RALYL: variants seen among roughly 807,000 people sequenced by gnomAD.
RALYL encodes RNA-binding Raly-like protein.
A neutral mutation model predicts 35.1 loss-of-function variants in RALYL; 29 were observed. That is an observed-to-expected ratio of 0.83 (90% CI 0.61 to 1.13). RALYL has a LOEUF of 1.13. RALYL is among the 50% of genes most tolerant of loss of function. The pLI is 0.00. For synonymous variants in RALYL, 120 were observed against 127.6 expected (o/e 0.94, Z 0.40); for missense variants, 359 against 360.4 (o/e 1.00, Z 0.03).
chr8:84,860,890 G>A (rs533098479), intron 5 of RALYL, among the ~76,000 whole-genome samples: 24 of 152,110 alleles, frequency 1.6e-4, no homozygotes, highest in Admixed American at 3.9e-4. Flanking sequence ...TGCTTTTTGC[G>A]CTTCCCTCAC....
At chr8:84,399,306 C>G (rs2042660148) in intron 1 of RALYL, among the ~76,000 whole-genome samples, 1 of 152,078 alleles carries the variant, frequency 6.6e-6, no homozygotes, top group Non-Finnish European at 1.5e-5. Context: ...TGTTAGTGCC[C>G]CCATTTTATA....
intron 1 of RALYL, among the ~76,000 whole-genome samples, chr8:84,335,247 G>A (rs956479669): frequency 6.6e-6 from 1 of 152,076 alleles, no homozygotes; most frequent in Admixed American, 6.6e-5. Flanking sequence ...GGCCTCTTAC[G>A]ACATATTCTC....
intron 6 of RALYL, among the ~76,000 whole-genome samples, chr8:84,868,957 G>A (rs1419182842): frequency 1.3e-5 from 2 of 151,690 alleles, no homozygotes. Flanking sequence ...ATGTTACAAG[G>A]GTATCACCTG....
intron 2 of RALYL, among the ~76,000 whole-genome samples, chr8:84,720,066 A>G (rs1047406915): frequency 5.3e-5 from 8 of 152,104 alleles, no homozygotes; most frequent in African/African-American, 1.9e-4. Flanking sequence ...CTCCAGGTTC[A>G]TGCATGTTGT....
In RALYL at chr8:84,252,328, TTA is replaced by T. The variant is rs1830350893; in HGVS notation, c.-24+67908_-24+67909del. 1.3e-4 allele frequency among the ~76,000 whole-genome samples: 20 copies of T among 152,232 alleles called. No homozygotes were observed. In the South Asian group the frequency reaches 4.1e-3, roughly 32 times the overall value. On this transcript the variant is annotated intron_variant, in intron 1 of 8. Transcript: ENST00000521268. ...TATTTTTCAGAGTTACATGAAGATATTATATCAGAAATCAAATTATTTTGCTT... is the reference window on the plus strand; with the variant it reads ...TATTTTTCAGAGTTACATGAAGATATTATCAGAAATCAAATTATTTTGCTT...
chr8:84,299,760 G>C (rs1343470961), intron 1 of RALYL, among the ~76,000 whole-genome samples: 1 of 151,986 alleles, frequency 6.6e-6, no homozygotes, highest in Non-Finnish European at 1.5e-5. Flanking sequence ...GCATAGAAGA[G>C]TTTGAAATGG....
chr8:84,472,576 A>C (rs2052912763), intron 1 of RALYL, among the ~76,000 whole-genome samples: 1 of 152,170 alleles, frequency 6.6e-6, no homozygotes, highest in Admixed American at 6.5e-5. Context: ...GCTGGGGGAT[A>C]TGAGATTGGG....
intron 8 of RALYL, among the ~76,000 whole-genome samples, chr8:84,915,427 G>C (rs1052312859): frequency 6.6e-6 from 1 of 151,956 alleles, no homozygotes; most frequent in Non-Finnish European, 1.5e-5. Context: ...CTCACATTCT[G>C]CCTGGCTATC....
At chr8:84,409,212 A>C (rs1237553422) in intron 1 of RALYL, among the ~76,000 whole-genome samples, 2 of 152,016 alleles carry the variant, frequency 1.3e-5, no homozygotes. Context: ...AGGTGATTTT[A>C]TTTCATTGAG....
chr8:84,689,279 C>T (rs1384066818), intron 2 of RALYL, among the ~76,000 whole-genome samples: 1 of 152,020 alleles, frequency 6.6e-6, no homozygotes, highest in East Asian at 1.9e-4. Context: ...CTTCCTGTGT[C>T]CATGTGTTCT....
chr8:84,695,769 G>T (rs1233677174), intron 2 of RALYL, among the ~76,000 whole-genome samples: 1 of 151,774 alleles, frequency 6.6e-6, no homozygotes. Context: ...AACAAAAAAT[G>T]TATCAACATT....
intron 3 of RALYL, among the ~76,000 whole-genome samples, chr8:84,787,471 G>T (rs2133808561): frequency 6.6e-6 from 1 of 152,294 alleles, no homozygotes; most frequent in African/African-American, 2.4e-5. Context: ...GAACAGTGCT[G>T]CAGTAAACAT....
chr8:84,616,909 T>C (rs372557249), intron 2 of RALYL, among the ~76,000 whole-genome samples: 2 of 150,492 alleles, frequency 1.3e-5, no homozygotes, highest in Admixed American at 1.3e-4. Flanking sequence ...TGTAGATATG[T>C]GGCATTATTT....
chr8:84,205,884 GGT>G (rs1364070226), intron 1 of RALYL, among the ~76,000 whole-genome samples: 1 of 152,152 alleles, frequency 6.6e-6, no homozygotes, highest in Non-Finnish European at 1.5e-5. Context: ...CCAAGATCAA[GGT>G]GTTGCCAGGT....
intron 1 of RALYL, among the ~76,000 whole-genome samples, chr8:84,186,227 T>A (rs1034027681): frequency 1.6e-4 from 25 of 152,182 alleles, no homozygotes; most frequent in Non-Finnish European, 2.8e-4. Flanking sequence ...GAAGCCAATA[T>A]GATGGCACTA....
intron 1 of RALYL, among the ~76,000 whole-genome samples, chr8:84,271,098 C>A (rs1834224810): frequency 7.0e-6 from 1 of 143,100 alleles, no homozygotes; most frequent in Admixed American, 6.9e-5. Context: ...AAGATACCAC[C>A]AAGAAAATAA....
chr8:84,292,053 G>A (rs1453669734), intron 1 of RALYL, among the ~76,000 whole-genome samples: 1 of 151,666 alleles, frequency 6.6e-6, no homozygotes, highest in Non-Finnish European at 1.5e-5. Context: ...GGTTGTTTTG[G>A]TATAAAAAGT....
At chr8:84,756,885 C>T (rs889121174) in intron 2 of RALYL, among the ~76,000 whole-genome samples, 2 of 151,766 alleles carry the variant, frequency 1.3e-5, no homozygotes, top group African/African-American at 2.4e-5. Flanking sequence ...AATTACTCTT[C>T]TCATTTTAAA....
chr8:84,422,708 A>G (rs2045809074), intron 1 of RALYL, among the ~76,000 whole-genome samples: 1 of 141,024 alleles, frequency 7.1e-6, no homozygotes, highest in Non-Finnish European at 1.5e-5. Flanking sequence ...TTCCCTCTAC[A>G]CACTGCTTTG....
Sources: allele counts gnomAD v4.1 joint callset (sites outside exome capture counted in the v4.1 genomes callset), GRCh38; gene constraint gnomAD v4.1.1; transcripts MANE v1.5; gene names NCBI Gene and HGNC (gene_info 2026-07-23, HGNC 2026-07-21).